SH3RF2: variants seen among roughly 807,000 people sequenced by gnomAD.
SH3RF2 encodes SH3 domain containing ring finger 2, also known as E3 ubiquitin-protein ligase SH3RF2.
In SH3RF2, 43 loss-of-function variants were observed where a neutral mutation model predicts 59.0. That is an observed-to-expected ratio of 0.73 (90% confidence interval 0.57 to 0.94). SH3RF2 has a LOEUF of 0.94. Among genes scored for constraint, SH3RF2 ranks in the 40% least tolerant of loss-of-function variants. The pLI, the probability that SH3RF2 is intolerant of heterozygous loss-of-function variation, is 0.00. For synonymous variants in SH3RF2, 391 were observed against 391.5 expected (o/e 1.00, Z 0.01); for missense variants, 930 against 940.1 (o/e 0.99, Z 0.14).
chr5:145,938,509 G>C (rs541532365), intron 2 of SH3RF2, among the ~76,000 whole-genome samples: 1 of 152,318 alleles, frequency 6.6e-6, no homozygotes, highest in East Asian at 1.9e-4. Flanking sequence ...ATTCTCTTTA[G>C]AACTATTAAA....
intron 2 of SH3RF2, among the ~76,000 whole-genome samples, chr5:145,943,084 A>G (rs746883105): frequency 6.6e-6 from 1 of 151,838 alleles, no homozygotes; most frequent in Non-Finnish European, 1.5e-5. Context: ...TATAATATAT[A>G]TAAAGAGCTT....
At chr5:145,955,323 C>T (rs1466581219) in intron 2 of SH3RF2, among the ~76,000 whole-genome samples, 2 of 152,080 alleles carry the variant, frequency 1.3e-5, no homozygotes, top group Non-Finnish European at 2.9e-5. Context: ...AAATACTGCA[C>T]GTTCTCACCT....
chr5:146,004,340 A>G (rs367775522), intron 4 of SH3RF2, among the ~76,000 whole-genome samples, 187 bp downstream of exon 4: 6 of 152,362 alleles, frequency 3.9e-5, no homozygotes, highest in South Asian at 2.1e-4. Context: ...AGCCTTTTCT[A>G]TTCTCCTGAT....
At chr5:146,043,425 G>A (rs1762192843) in intron 5 of SH3RF2, among the ~76,000 whole-genome samples, 1 of 151,818 alleles carries the variant, frequency 6.6e-6, no homozygotes, top group African/African-American at 2.4e-5. Flanking sequence ...CCTCTTGGAT[G>A]TTTCCTGTGG....
rs1244433621 is a variant in SH3RF2 at position 146,013,262 on chromosome 5, G to A, written c.745-485G>A. ...CAACCCAGATAGCTAACGGACTAGTGGGGGAAAGGCAAGTAAAGGATTGCA... is the reference window on the plus strand; with the variant it reads ...CAACCCAGATAGCTAACGGACTAGTAGGGGAAAGGCAAGTAAAGGATTGCA... On this transcript the variant is annotated intron_variant, in intron 4 of 9. Coordinates refer to ENST00000359120, the MANE Select transcript of SH3RF2 (RefSeq NM_152550.4). 2.6e-5 allele frequency among the ~76,000 whole-genome samples: 4 copies of A among 152,152 alleles called. No individual in the cohort carries two copies. In the East Asian group the frequency reaches 5.8e-4, roughly 22 times the overall value.
At chr5:146,011,182 A>C (rs1354914403) in intron 4 of SH3RF2, among the ~76,000 whole-genome samples, 2 of 152,118 alleles carry the variant, frequency 1.3e-5, no homozygotes, top group African/African-American at 2.4e-5. Context: ...CAAAGATCAG[A>C]TGGTTGTAGA....
intron 2 of SH3RF2, among the ~76,000 whole-genome samples, chr5:145,983,530 G>C (rs1206971415): frequency 6.6e-6 from 1 of 152,138 alleles, no homozygotes; most frequent in Admixed American, 6.5e-5. Flanking sequence ...CAAGCCAGAT[G>C]AGTGTCAATG....
chr5:146,015,296 A>G (rs1449261939), intron 5 of SH3RF2, among the ~76,000 whole-genome samples: 2 of 152,100 alleles, frequency 1.3e-5, no homozygotes, highest in African/African-American at 4.8e-5. Flanking sequence ...CTGCCCACCA[A>G]CTGCACCACA....
At chr5:146,078,084 A>AT (rs1182129737) in intron 9 of SH3RF2, among the ~76,000 whole-genome samples, 1 of 152,234 alleles carries the variant, frequency 6.6e-6, no homozygotes, top group Non-Finnish European at 1.5e-5. Flanking sequence ...GAATTATGGA[A>AT]TTAAAAAAAA....
chr5:145,972,039 C>T (rs1759104515), intron 2 of SH3RF2, among the ~76,000 whole-genome samples: 1 of 152,072 alleles, frequency 6.6e-6, no homozygotes, highest in African/African-American at 2.4e-5. Flanking sequence ...GGGCCAAGGT[C>T]AGCAGCTTTA....
intron 8 of SH3RF2, among the ~76,000 whole-genome samples, chr5:146,059,329 C>A (rs888662543): frequency 6.6e-6 from 1 of 152,138 alleles, no homozygotes; most frequent in African/African-American, 2.4e-5. Flanking sequence ...CCCCCACCTG[C>A]CACATGCCTA....
intron 6 of SH3RF2, among the ~76,000 whole-genome samples, chr5:146,048,314 C>CAAA (rs34925445): frequency 2.2e-5 from 3 of 138,590 alleles, no homozygotes; most frequent in African/African-American, 5.4e-5. Flanking sequence ...GACCCTGTCT[C>CAAA]AAAAAAAAAA....
At chr5:145,988,337 G>C (rs1759798089) in intron 2 of SH3RF2, among the ~76,000 whole-genome samples, 1 of 151,242 alleles carries the variant, frequency 6.6e-6, no homozygotes, top group Non-Finnish European at 1.5e-5. Context: ...AAGGCCTCCA[G>C]GTAGACAAAA....
downstream of SH3RF2, among the ~76,000 whole-genome samples, chr5:146,066,264 C>T (rs1208847157): frequency 6.6e-6 from 1 of 152,182 alleles, no homozygotes; most frequent in Non-Finnish European, 1.5e-5. Flanking sequence ...TGCGAAAGAG[C>T]CTAGAACGCT....
intron 6 of SH3RF2, among the ~76,000 whole-genome samples, chr5:146,048,388 G>C (rs1336191142): frequency 1.3e-5 from 2 of 151,944 alleles, no homozygotes; most frequent in Non-Finnish European, 2.9e-5. Flanking sequence ...AGTAGAAAGA[G>C]ACTGGAAGAT....
At chr5:145,962,349 A>C (rs1359753399) in intron 2 of SH3RF2, among the ~76,000 whole-genome samples, 1 of 152,224 alleles carries the variant, frequency 6.6e-6, no homozygotes, top group Non-Finnish European at 1.5e-5. Context: ...TCCTAAGTGC[A>C]TTTTTAGGAT....
chr5:146,077,727 A>G (rs573832667), intron 9 of SH3RF2, among the ~76,000 whole-genome samples: 9 of 152,330 alleles, frequency 5.9e-5, no homozygotes, highest in Middle Eastern at 3.4e-3. Context: ...AAATTATTTC[A>G]AAAGTCTTTT....
intron 2 of SH3RF2, among the ~76,000 whole-genome samples, chr5:145,941,639 G>A (rs1416185914): frequency 6.6e-6 from 1 of 152,180 alleles, no homozygotes; most frequent in Non-Finnish European, 1.5e-5. Flanking sequence ...TTTAGGATAG[G>A]TGGTAAAGCA....
intron 5 of SH3RF2, among the ~76,000 whole-genome samples, chr5:146,044,383 T>G (rs1479947928): frequency 6.6e-6 from 1 of 152,152 alleles, no homozygotes; most frequent in Non-Finnish European, 1.5e-5. Context: ...ACTCCTGACC[T>G]CATGATCCGC....
Sources: allele counts gnomAD v4.1 joint callset (sites outside exome capture counted in the v4.1 genomes callset), GRCh38; gene constraint gnomAD v4.1.1; transcripts MANE v1.5; gene names NCBI Gene and HGNC (gene_info 2026-07-23, HGNC 2026-07-21).